The following EPHA2 variants were observed in gnomAD, a reference collection of about 807,000 sequenced individuals.
The protein encoded by EPHA2 is EPH receptor A2.
EPHA2 carries 54 observed loss-of-function variants against 104.9 expected under a neutral mutation model. The observed-to-expected ratio is 0.51, with a 90% CI of 0.41 to 0.65. The LOEUF (loss-of-function observed/expected upper bound fraction) is 0.65. Among genes scored for constraint, EPHA2 ranks in the 30% least tolerant of loss-of-function variants. EPHA2 has a pLI of 0.00. For synonymous variants in EPHA2, 560 were observed against 559.1 expected (o/e 1.00, Z -0.02); for missense variants, 1,117 against 1,369.5 (o/e 0.82, Z 2.91).
rs2124283089 is a variant in EPHA2 at position 16,155,859 on chromosome 1, T to C, written c.74A>G (p.Gln25Arg). ...GCALAAAAAA[Q>R]GKEVVLLDFA... ...CCGCGCGCACTCACCTTCCTTGCCC[T>C]GCGCCGCCGCGGCCGCGGCCAGCGC... The change falls in exon 1 of 17, where the codon CAG becomes CGG. Residue 25 changes from glutamine to arginine, a missense_variant. By Grantham distance (43) the Gln-to-Arg change is conservative. Transcript: ENST00000358432. The C allele has an allele frequency of 2.1e-6, 3 of 1,454,276 alleles. No individual in the cohort carries two copies. The highest frequency in any genetic ancestry group is 2.7e-6 in the Non-Finnish European group (3 of 1,109,148). The allele number at this position is 1,454,276 out of a possible 1,614,324, so 90.1% of individuals were successfully genotyped here.
At chr1:16,132,766 A>G (rs1218388762) in intron 11 of EPHA2, among the ~76,000 whole-genome samples, 32 of 96,350 alleles carry the variant, frequency 3.3e-4, no homozygotes, top group African/African-American at 6.8e-4. Flanking sequence ...GGAGGTGGGT[A>G]CAGGTATCGG....
At chr1:16,137,365 G>A (rs1208391061) in intron 5 of EPHA2, among the ~76,000 whole-genome samples, 5 of 151,934 alleles carry the variant, frequency 3.3e-5, no homozygotes, top group South Asian at 2.1e-4. Context: ...TTGGGAGGCC[G>A]AGGCGGGCGG....
chr1:16,135,019 A>G lies in EPHA2; in HGVS notation c.1582+17T>C, dbSNP rs2024653951. 2.5e-6 allele frequency: 4 copies of G among 1,610,662 alleles called. No individual in the cohort carries two copies. Among genetic ancestry groups the G allele is most frequent in the Admixed American group, 1.7e-5 (1 of 60,002 alleles). On this transcript the variant is annotated intron_variant, in intron 7 of 16. Transcript: ENST00000358432. This position sits in a 1 kb window ranked among gnomAD's most constrained non-coding sequence, Gnocchi z 4.3. ...CTGGGCCCTGGCCTGGTCCATGCCC[A>G]GGGTCCCCCAACTCACACAGCGTCT...
At chr1:16,133,012 T>G (rs11578289) in intron 11 of EPHA2, 168 bp downstream of exon 11, 1 of 844,676 alleles carries the variant, frequency 1.2e-6, no homozygotes, top group Admixed American at 2.3e-5. Context: ...GCACAGGTGT[T>G]AGGAGGTGGG....
At chr1:16,132,780 G>T (rs1392842495) in intron 11 of EPHA2, among the ~76,000 whole-genome samples, 4 of 133,692 alleles carry the variant, frequency 3.0e-5, no homozygotes, top group Non-Finnish European at 6.4e-5. Flanking sequence ...GTATCGGGGA[G>T]AGGTGGGCAC....
chr1:16,130,631 CT>C lies in EPHA2; in HGVS notation c.2476-213del, dbSNP rs112874800. On this transcript the variant is annotated intron_variant, in intron 14 of 16. Coordinates refer to ENST00000358432, the MANE Select transcript of EPHA2 (RefSeq NM_004431.5). This position sits in a 1 kb window ranked among gnomAD's most constrained non-coding sequence, Gnocchi z 4.5. ...TGTGTCCAGAGTTCACTGGAAGGGACTTTTTTTTTTTTGACTGAGACAGGGT... is the reference window on the plus strand; with the variant it reads ...TGTGTCCAGAGTTCACTGGAAGGGACTTTTTTTTTTTGACTGAGACAGGGT... Among the ~76,000 whole-genome samples the C allele has an allele frequency of 1.4e-3, 205 of 144,864 alleles. No homozygotes were observed. The highest frequency in any genetic ancestry group is 1.4e-3 in the Admixed American group (20 of 14,536).
chr1:16,140,524 T>A (rs1263261509), intron 3 of EPHA2, among the ~76,000 whole-genome samples: 1 of 152,210 alleles, frequency 6.6e-6, no homozygotes, highest in African/African-American at 2.4e-5. Context: ...CAAAAAAGCT[T>A]GTCCAAGGTC....
In EPHA2 at chr1:16,135,232, G is replaced by A; in HGVS notation, c.1429-43C>T. 6.2e-7 allele frequency: 1 copy of A among 1,611,750 alleles called. No individual in the cohort carries two copies. The highest frequency in any genetic ancestry group is 8.5e-7 in the Non-Finnish European group (1 of 1,179,516). On this transcript the variant is annotated intron_variant, in intron 6 of 16. Transcript: ENST00000358432. This position sits in a 1 kb window ranked among gnomAD's most constrained non-coding sequence, Gnocchi z 4.3. ...GCGGAGGAGCAGGCAGTGAGGGCAGGGCAGGGGCCTCGGCTCAGCCCGCTG... is the reference window on the plus strand; with the variant it reads ...GCGGAGGAGCAGGCAGTGAGGGCAGAGCAGGGGCCTCGGCTCAGCCCGCTG...
intron 3 of EPHA2, among the ~76,000 whole-genome samples, chr1:16,142,254 A>G (rs1249812329): frequency 6.6e-6 from 1 of 152,232 alleles, no homozygotes; most frequent in Non-Finnish European, 1.5e-5. Flanking sequence ...TGGGCACTTC[A>G]TACGTGTCTG....
intron 3 of EPHA2, among the ~76,000 whole-genome samples, chr1:16,145,192 CACAGGAAGCGGAG>C (rs2024906296): frequency 6.6e-6 from 1 of 152,206 alleles, no homozygotes; most frequent in Admixed American, 6.5e-5. Flanking sequence ...CTGAGGCCAG[CACAGGAAGCGGAG>C]ACATGGAGAC....
At chr1:16,133,438 A>G (rs765199721) in intron 10 of EPHA2, 43 bp downstream of exon 10, 15 of 1,613,800 alleles carry the variant, frequency 9.3e-6, no homozygotes, top group Non-Finnish European at 1.2e-5. Context: ...CTGTGTCACC[A>G]CCGCTGCCTC....
At position 16,134,468 on chromosome 1, in the gene EPHA2, C is replaced by T. The variant is rs150335679; in HGVS notation, c.1682G>A (p.Arg561Lys). The change falls in exon 8 of 17, where the codon AGG becomes AAG. Residue 561 changes from arginine (R) to lysine (K), a missense_variant and splice_region_variant. By Grantham distance (26) the Arg-to-Lys change is conservative. This residue lies in a region of EPHA2 where 113 missense variants were observed against 104.3 expected (regional missense o/e 1.08). Coordinates refer to ENST00000358432, the MANE Select transcript of EPHA2 (RefSeq NM_004431.5). The surrounding 1 kb of genome is among the most constrained non-coding windows in gnomAD (Gnocchi z 4.5). ...AGCCAGGGTATGGGCTCTGACGAAC[C>T]TGCGGTGGATAAAGAAGCCAACTCC... is the stretch of plus-strand genomic sequence containing the variant. ...LAGVGFFIHR[R>K]RKNQRARQSP... is the part of the protein sequence containing the mutation. 7.9e-4 allele frequency: 1,280 copies of T among 1,613,968 alleles called. 2 individuals are homozygous for T. Among genetic ancestry groups the T allele is most frequent in the Non-Finnish European group, 1.0e-3 (1,229 of 1,180,020 alleles).
intron 3 of EPHA2, among the ~76,000 whole-genome samples, chr1:16,139,340 G>C (rs2024779931): frequency 6.6e-6 from 1 of 152,162 alleles, no homozygotes; most frequent in Admixed American, 6.5e-5. Context: ...GTCACCCTAG[G>C]GAGCTCCTCC....
At chr1:16,139,430 C>T (rs1010667625) in intron 3 of EPHA2, among the ~76,000 whole-genome samples, 7 of 152,200 alleles carry the variant, frequency 4.6e-5, no homozygotes, top group Admixed American at 6.5e-5. Flanking sequence ...ACCGTGTTCA[C>T]CACACACACA....
chr1:16,153,178 G>A (rs575917465), intron 1 of EPHA2: 12 of 984,786 alleles, frequency 1.2e-5, no homozygotes, highest in African/African-American at 8.7e-5. Flanking sequence ...GAGTTCCACC[G>A]TAAGTGCCAT....
Position 16,134,470 on chromosome 1 carries a change from G to T in EPHA2, c.1680C>A (p.Arg560=). ...CCAGGGTATGGGCTCTGACGAACCTGCGGTGGATAAAGAAGCCAACTCCTG... is the reference window on the plus strand; with the variant it reads ...CCAGGGTATGGGCTCTGACGAACCTTCGGTGGATAAAGAAGCCAACTCCTG... ...VLAGVGFFIH[R]RRKNQRARQS... Residue 560 remains arginine, a splice_region_variant and synonymous_variant, in exon 8 of 17, where the codon CGC becomes CGA. Coordinates refer to ENST00000358432, the MANE Select transcript of EPHA2 (RefSeq NM_004431.5). This position sits in a 1 kb window ranked among gnomAD's most constrained non-coding sequence, Gnocchi z 4.5. The T allele has an allele frequency of 6.2e-7, 1 of 1,614,062 alleles. No individual in the cohort carries two copies. The highest frequency in any genetic ancestry group is 8.5e-7 in the Non-Finnish European group (1 of 1,180,010).
chr1:16,148,233 C>A lies in EPHA2; in HGVS notation c.823+145G>T, dbSNP rs2024968053. On this transcript the variant is annotated intron_variant, in intron 3 of 16. Transcript: ENST00000358432. This position sits in a 1 kb window ranked among gnomAD's most constrained non-coding sequence, Gnocchi z 4.9. ...CCAGCCTTAATAAGGAAACTGATGT[C>A]TGGGAAGGATCTATAATTTCCACTA... The A allele has an allele frequency of 9.5e-7, 1 of 1,056,504 alleles. No homozygotes were observed. Among genetic ancestry groups the A allele is most frequent in the Non-Finnish European group, 1.4e-6 (1 of 703,850 alleles). 65.4% of individuals were successfully genotyped at this position (1,056,504 alleles called of 1,614,324 possible). A position where few individuals can be genotyped will look rare whatever the true frequency, so the allele number is the denominator to read the frequency against.
At chr1:16,127,871 G>A (rs1354014244) in intron 16 of EPHA2, among the ~76,000 whole-genome samples, 1 of 152,212 alleles carries the variant, frequency 6.6e-6, no homozygotes, top group Non-Finnish European at 1.5e-5. Context: ...CCTGCTCGTG[G>A]GAAAGGAATT....
chr1:16,142,605 G>T (rs762325041), intron 3 of EPHA2, among the ~76,000 whole-genome samples: 8 of 148,170 alleles, frequency 5.4e-5, no homozygotes, highest in Non-Finnish European at 1.2e-4. Flanking sequence ...GTGGGTGGAT[G>T]AATGGACAGA....
Sources: gnomAD v4.1 joint callset for allele counts (sites outside exome capture counted in the v4.1 genomes callset) on GRCh38, gnomAD v4.1.1 for gene constraint, gnomAD v4.1.1 regional missense constraint, Gnocchi (gnomAD v3.1) non-coding constraint, MANE v1.5 for transcripts, NCBI Gene and HGNC (gene_info 2026-07-23, HGNC 2026-07-21) for gene names.